The following SCN8A variants were observed in gnomAD, a reference collection of about 807,000 sequenced individuals.
SCN8A encodes the protein sodium channel protein type 8 subunit alpha.
A neutral mutation model predicts 184.1 loss-of-function variants in SCN8A; 30 were observed. The observed-to-expected ratio is 0.16, with a 90% CI of 0.12 to 0.22. The LOEUF (loss-of-function observed/expected upper bound fraction) is 0.22, where lower values mean the gene tolerates loss of function less well. SCN8A is among the 10% of genes least tolerant of loss of function. The pLI, the probability that SCN8A is intolerant of heterozygous loss-of-function variation, is 1.00. For missense variants in SCN8A, 1,057 were observed against 2,498.9 expected, an observed-to-expected ratio of 0.42 and a Z score of 12.30; for synonymous variants, 852 against 907.0, an observed-to-expected ratio of 0.94 and a Z score of 1.09.
At chr12:51,731,964 T>C (rs934455071) in intron 12 of SCN8A, among the ~76,000 whole-genome samples, 3 of 152,262 alleles carry the variant, frequency 2.0e-5, no homozygotes, top group African/African-American at 7.2e-5. Flanking sequence ...TATATTCTGG[T>C]TACTAATCTC....
At chr12:51,665,992 G>A (rs995177500) in intron 2 of SCN8A, among the ~76,000 whole-genome samples, 2 of 152,158 alleles carry the variant, frequency 1.3e-5, no homozygotes, top group Non-Finnish European at 2.9e-5. Flanking sequence ...AACCCGGGAG[G>A]TGGAGGTTGC....
At chr12:51,680,434 C>T (rs2138701635) in intron 2 of SCN8A, among the ~76,000 whole-genome samples, 1 of 152,302 alleles carries the variant, frequency 6.6e-6, no homozygotes, top group East Asian at 1.9e-4. Context: ...AATTCAGAAT[C>T]CTACCTCCTA....
intron 1 of SCN8A, among the ~76,000 whole-genome samples, chr12:51,604,548 G>C (rs1295231824): frequency 6.6e-6 from 1 of 151,722 alleles, no homozygotes; most frequent in Non-Finnish European, 1.5e-5. Flanking sequence ...GTTTTCTTTA[G>C]AGATGGAGTT....
Position 51,605,322 on chromosome 12 carries a change from C to G in SCN8A, c.-55+13963C>G, listed in dbSNP as rs993949548. On this transcript the variant is annotated intron_variant, in intron 1 of 26. Coordinates refer to ENST00000627620, the MANE Select transcript of SCN8A (RefSeq NM_001330260.2). ...CTTTTCATCCTCATAGCTTAGCTCC[C>G]ACCTATCAGTGAGAACACATGATGT... 2.0e-5 allele frequency among the ~76,000 whole-genome samples: 3 copies of G among 152,318 alleles called. No homozygotes were observed. The East Asian group carries it at 5.8e-4, about 29-fold the overall frequency.
At chr12:51,665,197 T>C (rs1030596880) in intron 2 of SCN8A, among the ~76,000 whole-genome samples, 1 of 152,226 alleles carries the variant, frequency 6.6e-6, no homozygotes, top group Non-Finnish European at 1.5e-5. Context: ...CCTCTTTCCA[T>C]TCCCAATGCC....
chr12:51,774,134 C>T (rs1373171007), intron 19 of SCN8A, 55 bp from the exon 20 acceptor site: 5 of 1,562,568 alleles, frequency 3.2e-6, no homozygotes, highest in Non-Finnish European at 4.4e-6. Flanking sequence ...GCAGTGCTCC[C>T]TGTGGCCTGC....
At position 51,795,913 on chromosome 12, in the gene SCN8A, G is replaced by A. The variant is rs1450908193; in HGVS notation, c.4795+1272G>A. 3.3e-5 allele frequency among the ~76,000 whole-genome samples: 5 copies of A among 151,440 alleles called. 1 individual carries two copies. The highest frequency in any genetic ancestry group is 3.3e-4 in the Admixed American group (5 of 15,208). ...AAAAAAAAAATGAGCCAGGCATGGT[G>A]ATACGTGCCTGTAGTCCCAGTTACT... On this transcript the variant is annotated intron_variant, in intron 26 of 26. Coordinates refer to ENST00000627620, the MANE Select transcript of SCN8A (RefSeq NM_001330260.2).
intron 12 of SCN8A, among the ~76,000 whole-genome samples, chr12:51,745,473 C>A (rs1942494843): frequency 6.6e-6 from 1 of 152,196 alleles, no homozygotes; most frequent in African/African-American, 2.4e-5. Flanking sequence ...AGGGACTTGA[C>A]TTTAATGAAA....
chr12:51,640,011 G>A (rs1481072538), intron 1 of SCN8A, among the ~76,000 whole-genome samples: 1 of 141,822 alleles, frequency 7.1e-6, no homozygotes, highest in Non-Finnish European at 1.5e-5. Flanking sequence ...GGGCTCAAGT[G>A]ATTCTCCCAC....
intron 1 of SCN8A, among the ~76,000 whole-genome samples, chr12:51,603,456 T>C (rs1313358794): frequency 6.6e-6 from 1 of 152,226 alleles, no homozygotes; most frequent in Non-Finnish European, 1.5e-5. Context: ...ATTTGGAATA[T>C]GTCCAGTTTC....
At chr12:51,761,946 C>A (rs986989858) in intron 14 of SCN8A, among the ~76,000 whole-genome samples, 2 of 150,436 alleles carry the variant, frequency 1.3e-5, no homozygotes, top group Admixed American at 6.6e-5. Flanking sequence ...AAAAAAAAAA[C>A]AGAAAGAAAA....
chr12:51,638,857 TGTG>T (rs907372730), intron 1 of SCN8A, among the ~76,000 whole-genome samples: 24 of 152,100 alleles, frequency 1.6e-4, no homozygotes, highest in African/African-American at 4.6e-4. Context: ...GGACTGCAGA[TGTG>T]GTGAAAATAG....
intron 13 of SCN8A, among the ~76,000 whole-genome samples, chr12:51,747,740 T>C (rs1942535301): frequency 6.6e-6 from 1 of 152,132 alleles, no homozygotes; most frequent in Non-Finnish European, 1.5e-5. Context: ...TTTCATCCCT[T>C]TACTGAGTTG....
At chr12:51,597,941 A>G (rs1194488852) in intron 1 of SCN8A, among the ~76,000 whole-genome samples, 1 of 152,160 alleles carries the variant, frequency 6.6e-6, no homozygotes, top group Non-Finnish European at 1.5e-5. Context: ...AAAAAAATTA[A>G]TGCATTATTA....
At chr12:51,792,799 G>T (rs1938301213) in intron 25 of SCN8A, among the ~76,000 whole-genome samples, 1 of 152,214 alleles carries the variant, frequency 6.6e-6, no homozygotes, top group South Asian at 2.1e-4. Context: ...CTGGAGTGCA[G>T]TGGCGTGATC....
chr12:51,592,061 A>AC lies in SCN8A; in HGVS notation c.-55+708dup, dbSNP rs1939235571. 1.1e-3 allele frequency among the ~76,000 whole-genome samples: 15 copies of AC among 13,086 alleles called. No homozygotes were observed. In the South Asian group the frequency reaches 0.048, roughly 42 times the overall value. The allele number at this position is 13,086 out of a possible 152,430, so 8.6% of individuals were successfully genotyped here. A position where few individuals can be genotyped will look rare whatever the true frequency, so the allele number is the denominator to read the frequency against. On this transcript the variant is annotated intron_variant, in intron 1 of 26. Transcript: ENST00000627620. ...CTTCCCCCATCCCACCCCCACCCCC[A>AC]CCCCCCACCCCCACGCCACCCGATG...
At chr12:51,796,582 TAGG>T (rs1333139531) in intron 26 of SCN8A, among the ~76,000 whole-genome samples, 1 of 152,198 alleles carries the variant, frequency 6.6e-6, no homozygotes, top group Non-Finnish European at 1.5e-5. Context: ...ACAAAACTAA[TAGG>T]ATAGATGTAT....
At chr12:51,650,506 C>CTTT (rs71092715) in intron 1 of SCN8A, among the ~76,000 whole-genome samples, 3 of 101,056 alleles carry the variant, frequency 3.0e-5, no homozygotes, top group Admixed American at 1.0e-4. Flanking sequence ...AAAAGGCACT[C>CTTT]TTTTTTTTTT....
intron 26 of SCN8A, among the ~76,000 whole-genome samples, chr12:51,798,088 G>A (rs1345196793): frequency 6.6e-6 from 1 of 152,120 alleles, no homozygotes; most frequent in East Asian, 1.9e-4. Flanking sequence ...ATGGCCTTCT[G>A]GAGAACTTTG....
Sources: allele counts gnomAD v4.1 joint callset (sites outside exome capture counted in the v4.1 genomes callset), GRCh38; gene constraint gnomAD v4.1.1; transcripts MANE v1.5; gene names NCBI Gene and HGNC (gene_info 2026-07-23, HGNC 2026-07-21).